PTPRD: variants seen among roughly 807,000 people sequenced by gnomAD.
The protein encoded by PTPRD is protein tyrosine phosphatase receptor type D, also known as receptor-type tyrosine-protein phosphatase delta.
A neutral mutation model predicts 214.5 loss-of-function variants in PTPRD; 34 were observed. The ratio of observed to expected loss-of-function variants is 0.16; its 90% confidence interval spans 0.12 to 0.21. The LOEUF is 0.21. PTPRD is among the 10% of genes least tolerant of loss of function. The pLI, the probability that PTPRD is intolerant of heterozygous loss-of-function variation, is 1.00. For missense variants in PTPRD, 2,545 were observed against 2,398.7 expected (o/e 1.06, Z -1.27); for synonymous variants, 1,128 against 845.7 (o/e 1.33, Z -5.79).
At chr9:8,693,582 G>A (rs2097851804) in intron 12 of PTPRD, among the ~76,000 whole-genome samples, 1 of 152,146 alleles carries the variant, frequency 6.6e-6, no homozygotes. Flanking sequence ...CATATTCTAC[G>A]AGGGGTGTAC....
intron 31 of PTPRD, among the ~76,000 whole-genome samples, chr9:8,465,982 A>G (rs1008785267): frequency 1.3e-5 from 2 of 151,932 alleles, no homozygotes; most frequent in African/African-American, 4.8e-5. Flanking sequence ...AAAGTGCATC[A>G]TAACTTGTCT....
chr9:8,864,940 A>G (rs926793691), intron 11 of PTPRD, among the ~76,000 whole-genome samples: 3 of 152,210 alleles, frequency 2.0e-5, no homozygotes, highest in Non-Finnish European at 4.4e-5. Context: ...CACAATAAAG[A>G]AAACAGCTTT....
chr9:8,834,196 C>G (rs114561812), intron 11 of PTPRD, among the ~76,000 whole-genome samples: 1 of 151,934 alleles, frequency 6.6e-6, no homozygotes, highest in East Asian at 1.9e-4. Flanking sequence ...AGGGAAAAAG[C>G]CTGTTTTTTT....
At chr9:9,293,388 TC>T (rs201858690) in intron 9 of PTPRD, among the ~76,000 whole-genome samples, 19,248 of 149,430 alleles carry the variant, frequency 0.13, 1,590 homozygotes, top group Middle Eastern at 0.19. Context: ...GTTTGTTTGT[TC>T]TTTTTTTTTT....
chr9:10,058,537 T>C (rs443698), intron 3 of PTPRD, among the ~76,000 whole-genome samples: 32,059 of 152,002 alleles, frequency 0.21, 8,256 homozygotes, highest in African/African-American at 0.62. Flanking sequence ...TCAATTTCTT[T>C]CTTTAAGATT....
chr9:9,151,187 T>C (rs138471716), intron 10 of PTPRD, among the ~76,000 whole-genome samples: 5 of 152,370 alleles, frequency 3.3e-5, no homozygotes, highest in Admixed American at 1.3e-4. Flanking sequence ...CAATGAATTC[T>C]AGTCCTTCAG....
chr9:8,727,618 G>A (rs1196477578), intron 12 of PTPRD, among the ~76,000 whole-genome samples: 2 of 152,058 alleles, frequency 1.3e-5, no homozygotes, highest in African/African-American at 4.8e-5. Flanking sequence ...AGCAGAAATT[G>A]CTTTTTGTTT....
chr9:9,050,515 C>G (rs965707702), intron 10 of PTPRD, among the ~76,000 whole-genome samples: 2 of 152,166 alleles, frequency 1.3e-5, no homozygotes, highest in African/African-American at 2.4e-5. Flanking sequence ...TGAGGTTTCA[C>G]TTACTGTGGC....
chr9:9,907,920 T>C (rs1361818167), intron 5 of PTPRD, among the ~76,000 whole-genome samples: 1 of 152,024 alleles, frequency 6.6e-6, no homozygotes, highest in Non-Finnish European at 1.5e-5. Flanking sequence ...AAAACAGGTG[T>C]AACAACTCAC....
At position 10,453,316 on chromosome 9, in the gene PTPRD, T is replaced by C. The variant is rs138754799; in HGVS notation, c.-599-112299A>G. Among the ~76,000 whole-genome samples the C allele has an allele frequency of 2.2e-3, 335 of 151,800 alleles. 2 individuals are homozygous for C. The highest frequency in any genetic ancestry group is 7.8e-3 in the African/African-American group (324 of 41,514). On this transcript the variant is annotated intron_variant, in intron 2 of 45. Transcript: ENST00000381196. ...CTATTCATGAGATTTTGTGGTTCCA[T>C]ATAAATTTTAGAAGTTCTTTTAATT...
At chr9:8,440,314 G>C (rs879452449) in intron 34 of PTPRD, among the ~76,000 whole-genome samples, 2 of 126,216 alleles carry the variant, frequency 1.6e-5, no homozygotes, top group Admixed American at 1.8e-4. Flanking sequence ...CAATAGAAAT[G>C]TATTATTTTT....
At chr9:10,508,496 C>G (rs12340285) in intron 2 of PTPRD, among the ~76,000 whole-genome samples, 2 of 152,032 alleles carry the variant, frequency 1.3e-5, no homozygotes, top group South Asian at 4.1e-4. Flanking sequence ...CACATGCACA[C>G]GTATGTTTAT....
intron 2 of PTPRD, among the ~76,000 whole-genome samples, chr9:10,596,355 C>G (rs2076627118): frequency 6.6e-6 from 1 of 151,660 alleles, no homozygotes; most frequent in East Asian, 1.9e-4. Flanking sequence ...CCCATATACA[C>G]ACACATATAT....
chr9:10,184,516 TGA>T (rs2099319529), intron 3 of PTPRD, among the ~76,000 whole-genome samples: 1 of 152,170 alleles, frequency 6.6e-6, no homozygotes, highest in African/African-American at 2.4e-5. Context: ...CATGGATCTG[TGA>T]ATCCCCAGCC....
chr9:8,498,640 T>A (rs1219562874), intron 25 of PTPRD, among the ~76,000 whole-genome samples: 2 of 152,232 alleles, frequency 1.3e-5, no homozygotes, highest in East Asian at 1.9e-4. Flanking sequence ...AAATTTCAAA[T>A]GTTTTTACAA....
chr9:8,712,256 G>T (rs1488535494), intron 12 of PTPRD, among the ~76,000 whole-genome samples: 2 of 152,176 alleles, frequency 1.3e-5, no homozygotes, highest in Non-Finnish European at 2.9e-5. Flanking sequence ...GCTGGATATT[G>T]TAAGAGTAAA....
In PTPRD at chr9:8,315,488, C is replaced by T. The variant is rs1377214019; in HGVS notation, c.*2386G>A. On this transcript the variant is annotated 3_prime_UTR_variant, in exon 46 of 46. Coordinates refer to ENST00000381196, the MANE Select transcript of PTPRD (RefSeq NM_002839.4). ...AAAGAAAATTATAGCACTGAGTAAT[C>T]TGGCACTTGGATAAATCTCCAAAAA... 8.6e-6 allele frequency: 2 copies of T among 232,096 alleles called. No homozygotes were observed. Among genetic ancestry groups the T allele is most frequent in the African/African-American group, 4.4e-5 (2 of 45,206 alleles). The allele number at this position is 232,096 out of a possible 1,614,324, so 14.4% of individuals were successfully genotyped here. A position where few individuals can be genotyped will look rare whatever the true frequency, so the allele number is the denominator to read the frequency against.
chr9:9,096,619 T>A (rs1336480708), intron 10 of PTPRD, among the ~76,000 whole-genome samples: 1 of 152,202 alleles, frequency 6.6e-6, no homozygotes, highest in African/African-American at 2.4e-5. Context: ...CAAGGTTACA[T>A]AGAGATTATC....
chr9:9,761,235 T>G (rs111937397), intron 6 of PTPRD, among the ~76,000 whole-genome samples: 1 of 152,178 alleles, frequency 6.6e-6, no homozygotes, highest in African/African-American at 2.4e-5. Context: ...TATTGATACA[T>G]GCAACAACTT....
Sources: gnomAD v4.1 joint callset for allele counts (sites outside exome capture counted in the v4.1 genomes callset) on GRCh38, gnomAD v4.1.1 for gene constraint, MANE v1.5 for transcripts, NCBI Gene and HGNC (gene_info 2026-07-23, HGNC 2026-07-21) for gene names.